ABTB3: variants seen among roughly 807,000 people sequenced by gnomAD.
ABTB3 encodes the protein ankyrin repeat- and BTB/POZ domain-containing protein 3.
the ABTB3 span, among the ~76,000 whole-genome samples, chr12:107,495,043 G>T: frequency 1.3e-5 from 2 of 152,172 alleles, no homozygotes; most frequent in Non-Finnish European, 2.9e-5. Context: ...TCAGCAACCA[G>T]GGGAAGGTAG....
chr12:107,532,914 A>G, the ABTB3 span, among the ~76,000 whole-genome samples: 4 of 152,252 alleles, frequency 2.6e-5, no homozygotes, highest in African/African-American at 9.6e-5. Context: ...AGCCAAGAAG[A>G]CTATATCCAG....
the ABTB3 span, among the ~76,000 whole-genome samples, chr12:107,441,864 C>G: frequency 6.6e-6 from 1 of 151,602 alleles, no homozygotes; most frequent in Non-Finnish European, 1.5e-5. Context: ...TGCTTGAGCC[C>G]TGGAGGTTGA....
chr12:107,471,707 G>T, the ABTB3 span, among the ~76,000 whole-genome samples: 55 of 152,278 alleles, frequency 3.6e-4, no homozygotes, highest in Middle Eastern at 3.4e-3. Context: ...TGACCCCCCA[G>T]GTCAGGCAGT....
the ABTB3 span, among the ~76,000 whole-genome samples, chr12:107,632,746 G>T: frequency 1.3e-5 from 2 of 152,178 alleles, no homozygotes; most frequent in Admixed American, 1.3e-4. Flanking sequence ...TTCCTTTCTG[G>T]GGGCTTTGGG....
chr12:107,365,567 A>G, the ABTB3 span, among the ~76,000 whole-genome samples: 6 of 152,176 alleles, frequency 3.9e-5, no homozygotes, highest in Non-Finnish European at 8.8e-5. Flanking sequence ...ATGAGCTGAT[A>G]CAAGCACCTA....
At chr12:107,444,747 C>T in the ABTB3 span, among the ~76,000 whole-genome samples, 2 of 152,140 alleles carry the variant, frequency 1.3e-5, no homozygotes, top group African/African-American at 4.8e-5. Flanking sequence ...AATACGCACT[C>T]AACCTTTTGG....
the ABTB3 span, among the ~76,000 whole-genome samples, chr12:107,406,258 C>A: frequency 6.6e-6 from 1 of 152,276 alleles, no homozygotes; most frequent in African/African-American, 2.4e-5. Flanking sequence ...TACTTCCTAG[C>A]CTGCTCCTTA....
At chr12:107,465,901 G>A in the ABTB3 span, among the ~76,000 whole-genome samples, 13 of 152,186 alleles carry the variant, frequency 8.5e-5, no homozygotes, top group African/African-American at 2.6e-4. Context: ...ACTGCCTCTC[G>A]GGAGTAGTCT....
chr12:107,633,850 C>T, the ABTB3 span, among the ~76,000 whole-genome samples: 1 of 152,202 alleles, frequency 6.6e-6, no homozygotes, highest in East Asian at 1.9e-4. Context: ...GGCCTCACTC[C>T]CAGGGTTTTT....
chr12:107,609,050 G>A, the ABTB3 span, among the ~76,000 whole-genome samples: 1 of 151,794 alleles, frequency 6.6e-6, no homozygotes, highest in African/African-American at 2.4e-5. Flanking sequence ...CCCCACGAAG[G>A]CTTGCTGGAT....
At chr12:107,563,415 A>G in the ABTB3 span, among the ~76,000 whole-genome samples, 11 of 152,204 alleles carry the variant, frequency 7.2e-5, no homozygotes, top group Non-Finnish European at 1.6e-4. Flanking sequence ...TTCTGCTCTT[A>G]TGAAGCTGAC....
the ABTB3 span, among the ~76,000 whole-genome samples, chr12:107,552,221 G>T: frequency 6.6e-6 from 1 of 152,198 alleles, no homozygotes; most frequent in African/African-American, 2.4e-5. Flanking sequence ...TGGGCTCCTA[G>T]CCATTAGTCT....
the ABTB3 span, among the ~76,000 whole-genome samples, chr12:107,653,052 G>C: frequency 6.6e-6 from 1 of 152,174 alleles, no homozygotes; most frequent in Non-Finnish European, 1.5e-5. Context: ...GGGATTACAG[G>C]CATGAGCCAT....
chr12:107,477,129 C>T, the ABTB3 span, among the ~76,000 whole-genome samples: 2 of 152,098 alleles, frequency 1.3e-5, no homozygotes, highest in Non-Finnish European at 2.9e-5. Flanking sequence ...CACTTAAAAT[C>T]AAGGCATTGG....
At chr12:107,378,382 G>A in the ABTB3 span, among the ~76,000 whole-genome samples, 1 of 152,140 alleles carries the variant, frequency 6.6e-6, no homozygotes, top group Non-Finnish European at 1.5e-5. Flanking sequence ...CTCACCATAT[G>A]CCAGGACCTG....
chr12:107,618,398 A>AC, the ABTB3 span: 1 of 1,593,004 alleles, frequency 6.3e-7, no homozygotes, highest in South Asian at 1.1e-5. Context: ...GGCACCCTCC[A>AC]CCACGGGCAC....
chr12:107,531,449 A>G, the ABTB3 span, among the ~76,000 whole-genome samples: 1 of 152,148 alleles, frequency 6.6e-6, no homozygotes, highest in East Asian at 1.9e-4. Flanking sequence ...GCTGGATGCT[A>G]CAGAAGGACT....
the ABTB3 span, chr12:107,580,898 A>C: frequency 6.4e-7 from 1 of 1,551,216 alleles, no homozygotes; most frequent in Non-Finnish European, 8.7e-7. Flanking sequence ...CATTATCCCC[A>C]GGCTACAGAT....
At chr12:107,624,329 T>G in the ABTB3 span, among the ~76,000 whole-genome samples, 2 of 152,110 alleles carry the variant, frequency 1.3e-5, no homozygotes, top group Admixed American at 1.3e-4. Flanking sequence ...ACAGAGAGAT[T>G]CCTGTGTACC....
Sources: allele counts gnomAD v4.1 joint callset (sites outside exome capture counted in the v4.1 genomes callset), GRCh38; gene constraint gnomAD v4.1.1; transcripts MANE v1.5; gene names NCBI Gene and HGNC (gene_info 2026-07-23, HGNC 2026-07-21).